Variants in ANK2 observed in about 807,000 individuals in gnomAD.
The protein encoded by ANK2 is ankyrin-2.
Under a neutral mutation model 360.5 loss-of-function variants are expected in ANK2, and 83 were observed. The ratio of observed to expected loss-of-function variants is 0.23; its 90% CI spans 0.19 to 0.28. ANK2 has a LOEUF of 0.28. ANK2 is among the 10% of genes least tolerant of loss of function. The probability of loss-of-function intolerance (pLI) is 1.00; values close to 1 mark genes in which losing one functional copy is unlikely to be tolerated. For synonymous variants in ANK2, 1,740 were observed against 1,759.5 expected (o/e 0.99, Z 0.28); for missense variants, 4,201 against 4,795.7 (o/e 0.88, Z 3.66).
chr4:113,103,517 G>A (rs911212210), intron 1 of ANK2, among the ~76,000 whole-genome samples: 1 of 152,106 alleles, frequency 6.6e-6, no homozygotes, highest in African/African-American at 2.4e-5. Flanking sequence ...GGCAATTTTT[G>A]AAAGTAGTCA....
rs570409459 is a variant in ANK2 at position 113,304,196 on chromosome 4, T to G, written c.2548+1357T>G. ...CATATTTTGTTTTGTGGGATCATCT[T>G]TATTATCTTTACTTGTATGTTGAAC... On this transcript the variant is annotated intron_variant, in intron 23 of 45. Transcript: ENST00000357077. Among the ~76,000 whole-genome samples, 13 of 152,338 alleles carry G rather than the reference T, an allele frequency of 8.5e-5. No homozygotes were observed. The South Asian group carries it at 2.5e-3, about 29-fold the overall frequency.
chr4:113,277,787 A>G (rs2060766641), intron 15 of ANK2, 50 bp from the exon 16 acceptor site: 1 of 1,435,376 alleles, frequency 7.0e-7, no homozygotes. Context: ...AGATTTTTTG[A>G]GGAGTTACAA....
intron 2 of ANK2, among the ~76,000 whole-genome samples, chr4:113,186,913 A>C (rs935704271): frequency 1.3e-5 from 2 of 152,068 alleles, no homozygotes; most frequent in African/African-American, 2.4e-5. Flanking sequence ...AGTTGTTTTT[A>C]GTCCCCATAC....
chr4:113,356,877 G>C lies in ANK2; in HGVS notation c.8259G>C (p.Glu2753Asp). ...LAEDRHAVST[E>D]AEDRSYDKLN... The stretch of plus-strand genomic sequence containing the variant: ...AAGACCGTCATGCTGTTTCCACTGA[G>C]GCTGAAGACAGGTCTTATGATAAGC... Residue 2753 changes from glutamate to aspartate, a missense_variant, in exon 38 of 46, where the codon GAG becomes GAC. Coordinates refer to ENST00000357077, the MANE Select transcript of ANK2 (RefSeq NM_001148.6). 1 of 1,614,032 alleles carries C rather than the reference G, an allele frequency of 6.2e-7. No homozygotes were observed. Among genetic ancestry groups the C allele is most frequent in the Non-Finnish European group, 8.5e-7 (1 of 1,179,980 alleles).
intron 1 of ANK2, among the ~76,000 whole-genome samples, chr4:113,107,928 A>T (rs747690515): frequency 6.6e-6 from 1 of 152,196 alleles, no homozygotes; most frequent in Non-Finnish European, 1.5e-5. Flanking sequence ...GCTTTATTTC[A>T]TAGCAGTAGC....
At position 113,321,826 on chromosome 4, in the gene ANK2, G is replaced by A. The variant is rs536637137; in HGVS notation, c.2900+3206G>A. 3.9e-5 allele frequency among the ~76,000 whole-genome samples: 6 copies of A among 152,202 alleles called. No individual in the cohort carries two copies. In the East Asian group the frequency reaches 5.8e-4, roughly 15 times the overall value. The stretch of plus-strand genomic sequence containing the variant: ...CAGCTCACTGCAACCTCCACCTCCC[G>A]GGTTCAAGTGATTCTCCTGCCTCAG... On this transcript the variant is annotated intron_variant, in intron 26 of 45. Coordinates refer to ENST00000357077, the MANE Select transcript of ANK2 (RefSeq NM_001148.6).
chr4:112,725,009 G>A, the ANK2 span, among the ~76,000 whole-genome samples: 13,260 of 152,194 alleles, frequency 0.087, 792 homozygotes, highest in African/African-American at 0.16. Context: ...GCCGGGTGCC[G>A]TGGCTCACGC....
chr4:112,898,435 G>A (rs2082341488), intron 1 of ANK2, among the ~76,000 whole-genome samples: 1 of 152,038 alleles, frequency 6.6e-6, no homozygotes, highest in African/African-American at 2.4e-5. Flanking sequence ...TTATTGAAAT[G>A]TGTCTGATGA....
At position 113,356,292 on chromosome 4, in the gene ANK2, T is replaced by G; in HGVS notation, c.7674T>G (p.Ser2558Arg). Residue 2558 changes from serine to arginine, a missense_variant, in exon 38 of 46, where the codon AGT (serine) becomes AGG (arginine). Around this residue, in one of 4 missense-constraint regions of ANK2, gnomAD observed 2,642 missense variants for 2,714.5 expected, o/e 0.97. Transcript: ENST00000357077. ...TTACACCCAAAACCACAGATGTAAG[T>G]ACACCAAAACCAGCTGTGATTCATG... ...YEVTPKTTDV[S>R]TPKPAVIHEC... 1 of 1,614,066 alleles carries G rather than the reference T, an allele frequency of 6.2e-7. No homozygotes were observed. Among genetic ancestry groups the G allele is most frequent in the East Asian group, 2.2e-5 (1 of 44,878 alleles).
At chr4:112,879,145 G>C (rs1194719576) in intron 1 of ANK2, among the ~76,000 whole-genome samples, 1 of 152,154 alleles carries the variant, frequency 6.6e-6, no homozygotes, top group South Asian at 2.1e-4. Context: ...AAAAACTAGG[G>C]ATGGGTTGGA....
At chr4:112,891,426 C>A (rs2079997515) in intron 1 of ANK2, among the ~76,000 whole-genome samples, 1 of 152,092 alleles carries the variant, frequency 6.6e-6, no homozygotes, top group Non-Finnish European at 1.5e-5. Context: ...AAACAGGATA[C>A]TTTTGAGAGT....
the ANK2 span, among the ~76,000 whole-genome samples, chr4:112,803,447 G>A: frequency 6.6e-6 from 1 of 152,098 alleles, no homozygotes; most frequent in East Asian, 1.9e-4. Flanking sequence ...AGTAGATCGT[G>A]ATTTGAAAAT....
Position 113,233,428 on chromosome 4 carries a change from C to G in ANK2, c.483+1169C>G, listed in dbSNP as rs188768175. 2.8e-3 allele frequency among the ~76,000 whole-genome samples: 428 copies of G among 152,132 alleles called. 3 individuals are homozygous for G. Among genetic ancestry groups the G allele is most frequent in the African/African-American group, 9.6e-3 (398 of 41,468 alleles). ...GGGATTACAGGCGTGAGCCACCGCG[C>G]CCGGCCTTTTCTTATTTCATATTTT... On this transcript the variant is annotated intron_variant, in intron 5 of 45. Transcript: ENST00000357077.
the ANK2 span, among the ~76,000 whole-genome samples, chr4:112,724,383 TGA>T: frequency 5.1e-4 from 78 of 152,214 alleles, 1 homozygote; most frequent in Admixed American, 1.4e-3. Context: ...CTTGAAAATG[TGA>T]GATTATTGAT....
chr4:113,139,132 G>A lies in ANK2; in HGVS notation c.85-35284G>A, dbSNP rs1426109426. Among the ~76,000 whole-genome samples, 5 of 152,220 alleles carry A rather than the reference G, an allele frequency of 3.3e-5. No individual in the cohort carries two copies. In the East Asian group the frequency reaches 9.7e-4, roughly 29 times the overall value. On this transcript the variant is annotated intron_variant, in intron 1 of 45. Coordinates refer to ENST00000357077, the MANE Select transcript of ANK2 (RefSeq NM_001148.6). ...TGAGTCCTCTTTGATAGATAGATAG[G>A]TCTGGACAACCATGGCGTGCAACAT...
chr4:113,126,205 C>T (rs983051853), intron 1 of ANK2, among the ~76,000 whole-genome samples: 17 of 152,158 alleles, frequency 1.1e-4, no homozygotes, highest in African/African-American at 3.9e-4. Flanking sequence ...GAAATATCAT[C>T]ATTGTTTAAT....
chr4:112,981,124 G>A (rs1419627203), intron 2 of ANK2, among the ~76,000 whole-genome samples: 2 of 152,266 alleles, frequency 1.3e-5, no homozygotes, highest in South Asian at 2.1e-4. Context: ...GTAAGGAAGA[G>A]TGTGGAGGAA....
intron 1 of ANK2, among the ~76,000 whole-genome samples, chr4:113,062,271 A>C (rs1022188391): frequency 6.6e-6 from 1 of 152,122 alleles, no homozygotes; most frequent in African/African-American, 2.4e-5. Flanking sequence ...GTCAAGGGTC[A>C]TGTGGAGACC....
intron 43 of ANK2, among the ~76,000 whole-genome samples, chr4:113,370,032 C>T (rs1257631288): frequency 6.6e-6 from 1 of 152,196 alleles, no homozygotes; most frequent in Non-Finnish European, 1.5e-5. Context: ...GAGCCCTGAT[C>T]TTATCATTGG....
Sources: gnomAD v4.1 joint callset for allele counts (sites outside exome capture counted in the v4.1 genomes callset) on GRCh38, gnomAD v4.1.1 for gene constraint, gnomAD v4.1.1 regional missense constraint, MANE v1.5 for transcripts, NCBI Gene and HGNC (gene_info 2026-07-23, HGNC 2026-07-21) for gene names.